FAM171A1: variants seen among roughly 807,000 people sequenced by gnomAD.
The protein encoded by FAM171A1 is protein FAM171A1.
A neutral mutation model predicts 74.9 loss-of-function variants in FAM171A1; 23 were observed. The observed-to-expected ratio is 0.31, with a 90% CI of 0.22 to 0.44. The LOEUF (loss-of-function observed/expected upper bound fraction) is 0.44, where lower values mean the gene tolerates loss of function less well. Among genes scored for constraint, FAM171A1 ranks in the 20% least tolerant of loss-of-function variants. FAM171A1 has a pLI of 1.00. For missense variants in FAM171A1, 1,162 were observed against 1,159.2 expected (o/e 1.00, Z -0.03); for synonymous variants, 527 against 505.7 (o/e 1.04, Z -0.57).
At chr10:15,268,307 G>C (rs999218118) in intron 3 of FAM171A1, among the ~76,000 whole-genome samples, 3 of 151,984 alleles carry the variant, frequency 2.0e-5, no homozygotes, top group Admixed American at 6.6e-5. Context: ...GAGTGAAATG[G>C]GATAACCCGT....
Position 15,320,205 on chromosome 10 carries a change from T to C in FAM171A1, c.98-36100A>G, listed in dbSNP as rs115279400. 2.9e-3 allele frequency among the ~76,000 whole-genome samples: 436 copies of C among 152,334 alleles called. 1 individual carries two copies. Among genetic ancestry groups the C allele is most frequent in the African/African-American group, 9.4e-3 (390 of 41,564 alleles). ...ATACTCAGTGTTTAGCTCCCACTTA[T>C]AAGTGAGAACGTGGTATTCAGTTTC... On this transcript the variant is annotated intron_variant, in intron 1 of 7. Transcript: ENST00000378116.
chr10:15,218,827 C>A (rs1834000103), intron 6 of FAM171A1, among the ~76,000 whole-genome samples: 1 of 151,998 alleles, frequency 6.6e-6, no homozygotes, highest in South Asian at 2.1e-4. Flanking sequence ...AACTCCTGGG[C>A]TCAAGAGATC....
chr10:15,296,197 AT>A (rs1835159058), intron 1 of FAM171A1, among the ~76,000 whole-genome samples: 1 of 151,944 alleles, frequency 6.6e-6, no homozygotes. Context: ...TTTTCATGTA[AT>A]TTTTTCCAGA....
At chr10:15,281,159 T>A (rs998679942) in intron 2 of FAM171A1, among the ~76,000 whole-genome samples, 3 of 152,196 alleles carry the variant, frequency 2.0e-5, no homozygotes, top group Admixed American at 2.0e-4. Flanking sequence ...ATGTGAAATG[T>A]CTCACTTCCC....
intron 1 of FAM171A1, among the ~76,000 whole-genome samples, chr10:15,358,031 A>T (rs1214729111): frequency 1.3e-5 from 2 of 152,326 alleles, no homozygotes; most frequent in East Asian, 3.9e-4. Context: ...GCTGGAGTGC[A>T]CTGACAGGAT....
At chr10:15,318,300 G>A (rs1026200812) in intron 1 of FAM171A1, among the ~76,000 whole-genome samples, 6 of 152,144 alleles carry the variant, frequency 3.9e-5, no homozygotes, top group Admixed American at 2.0e-4. Context: ...AAAGAGATTC[G>A]GGAATCCTCC....
intron 1 of FAM171A1, among the ~76,000 whole-genome samples, chr10:15,329,863 G>C (rs550117635): frequency 6.6e-6 from 1 of 152,100 alleles, no homozygotes; most frequent in African/African-American, 2.4e-5. Context: ...TCTCAGGCCC[G>C]CACACTACCT....
chr10:15,231,915 T>C (rs1271541237), intron 5 of FAM171A1, among the ~76,000 whole-genome samples: 2 of 151,710 alleles, frequency 1.3e-5, no homozygotes, highest in Non-Finnish European at 2.9e-5. Context: ...CAAGACCACA[T>C]CTCTACAAAA....
chr10:15,266,380 G>A (rs984093819), intron 3 of FAM171A1, among the ~76,000 whole-genome samples: 6 of 152,222 alleles, frequency 3.9e-5, no homozygotes, highest in East Asian at 1.9e-4. Flanking sequence ...CAAGCCCCTC[G>A]GCTGCCAGGG....
Position 15,213,544 on chromosome 10 carries a change from T to C in FAM171A1, c.2044A>G (p.Asn682Asp), listed in dbSNP as rs938658655. Residue 682 changes from asparagine (N) to aspartate (D), a missense_variant, in exon 8 of 8, where the codon AAC becomes GAC. Asn to Asp is a conservative substitution (Grantham distance 23). Coordinates refer to ENST00000378116, the MANE Select transcript of FAM171A1 (RefSeq NM_001010924.2). The surrounding 1 kb of genome is among the most constrained non-coding windows in gnomAD (Gnocchi z 6.8). The part of the protein sequence containing the change: ...SLNDAALAQM[N>D]SEVQLLTEKA... ...TCAGTCAGGAGCTGCACCTCACTGT[T>C]CATCTGAGCCAAAGCCGCGTCGTTC... The C allele has an allele frequency of 6.2e-7, 1 of 1,614,000 alleles. No homozygotes were observed. Among genetic ancestry groups the C allele is most frequent in the African/African-American group, 1.3e-5 (1 of 74,922 alleles).
intron 3 of FAM171A1, among the ~76,000 whole-genome samples, chr10:15,258,334 CA>C (rs34762883): frequency 0.67 from 102,043 of 151,910 alleles, 35,138 homozygotes; most frequent in Middle Eastern, 0.73. Context: ...TCTCTGCTTT[CA>C]AAAATCTGTT....
intron 1 of FAM171A1, among the ~76,000 whole-genome samples, chr10:15,329,495 G>A (rs539687435): frequency 1.3e-5 from 2 of 152,234 alleles, no homozygotes; most frequent in South Asian, 4.1e-4. Flanking sequence ...GCACACCTGT[G>A]CACATCTGGA....
chr10:15,244,411 C>T (rs1407956730), intron 5 of FAM171A1, among the ~76,000 whole-genome samples: 1 of 152,016 alleles, frequency 6.6e-6, no homozygotes, highest in African/African-American at 2.4e-5. Context: ...CCCAGTTCTT[C>T]AGGGGGCTGA....
intron 1 of FAM171A1, among the ~76,000 whole-genome samples, chr10:15,319,507 A>G (rs1451829762): frequency 6.6e-6 from 1 of 152,178 alleles, no homozygotes; most frequent in Admixed American, 6.5e-5. Context: ...ATCTTGGCTC[A>G]CTGCAACCTC....
chr10:15,227,848 C>A (rs1193607274), intron 5 of FAM171A1, among the ~76,000 whole-genome samples: 3 of 152,172 alleles, frequency 2.0e-5, no homozygotes, highest in Non-Finnish European at 4.4e-5. Context: ...AATTTGGAAG[C>A]TACATTTAAC....
intron 1 of FAM171A1, among the ~76,000 whole-genome samples, chr10:15,310,697 T>C (rs1835349810): frequency 6.6e-6 from 1 of 151,960 alleles, no homozygotes; most frequent in Admixed American, 6.6e-5. Flanking sequence ...CCCCGTCTAC[T>C]ACAAATACAA....
chr10:15,370,079 G>A (rs1836116809), intron 1 of FAM171A1, among the ~76,000 whole-genome samples: 2 of 144,426 alleles, frequency 1.4e-5, no homozygotes, highest in African/African-American at 5.0e-5. Flanking sequence ...TGGGTGTGGG[G>A]GACTCCCCTC....
intron 1 of FAM171A1, among the ~76,000 whole-genome samples, chr10:15,363,240 C>T (rs546624916): frequency 3.9e-5 from 6 of 152,302 alleles, no homozygotes; most frequent in Admixed American, 3.9e-4. Flanking sequence ...CTTCACACTT[C>T]GGGCAAAAGG....
At chr10:15,246,121 A>G (rs943273646) in intron 5 of FAM171A1, among the ~76,000 whole-genome samples, 1 of 152,050 alleles carries the variant, frequency 6.6e-6, no homozygotes, top group Non-Finnish European at 1.5e-5. Flanking sequence ...ACCATCAATA[A>G]AGTGCCCGTC....
Sources: gnomAD v4.1 joint callset for allele counts (sites outside exome capture counted in the v4.1 genomes callset) on GRCh38, gnomAD v4.1.1 for gene constraint, Gnocchi (gnomAD v3.1) non-coding constraint, MANE v1.5 for transcripts, NCBI Gene and HGNC (gene_info 2026-07-23, HGNC 2026-07-21) for gene names.